The following NSUN4 variants were observed in gnomAD, a reference collection of about 807,000 sequenced individuals.
NSUN4 encodes the protein NOP2/Sun RNA methyltransferase 4.
NSUN4 carries 31 observed loss-of-function variants against 43.8 expected under a neutral mutation model. The observed-to-expected ratio is 0.71, with a 90% CI of 0.53 to 0.96. The LOEUF is 0.96. NSUN4 is among the 40% of genes least tolerant of loss of function. NSUN4 has a pLI of 0.00. For synonymous variants in NSUN4, 167 were observed against 184.1 expected, an observed-to-expected ratio of 0.91 and a Z score of 0.75; for missense variants, 439 against 475.6, an observed-to-expected ratio of 0.92 and a Z score of 0.72.
chr1:46,359,168 G>T (rs780693500), intron 4 of NSUN4, among the ~76,000 whole-genome samples: 3 of 152,080 alleles, frequency 2.0e-5, no homozygotes, highest in African/African-American at 4.8e-5. Flanking sequence ...GCTGAGGTGG[G>T]AGAATCGCTT....
the NSUN4 span, among the ~76,000 whole-genome samples, chr1:46,378,797 T>A: frequency 2.0e-5 from 3 of 152,166 alleles, no homozygotes; most frequent in South Asian, 2.1e-4. Flanking sequence ...ATCTTGGCTG[T>A]CTCGCCTGTG....
At chr1:46,357,044 C>A (rs1663431933) in intron 4 of NSUN4, among the ~76,000 whole-genome samples, 1 of 152,166 alleles carries the variant, frequency 6.6e-6, no homozygotes, top group African/African-American at 2.4e-5. Flanking sequence ...TGACTGACAT[C>A]CATGCCAGTG....
chr1:46,381,321 T>C, the NSUN4 span, among the ~76,000 whole-genome samples: 1 of 152,192 alleles, frequency 6.6e-6, no homozygotes. Context: ...TGGATGTCTG[T>C]TGAATTGAAT....
intron 4 of NSUN4, among the ~76,000 whole-genome samples, chr1:46,358,162 C>A (rs1464560996): frequency 6.6e-6 from 1 of 152,162 alleles, no homozygotes; most frequent in Admixed American, 6.5e-5. Context: ...GTGGCGCAAT[C>A]TTGGTTCACT....
chr1:46,361,147 A>AAAAAAC lies in NSUN4; in HGVS notation c.878+337_878+342dup, dbSNP rs924300394. ...GGGTAACAGAGCAAGACTCTGTCTC[A>AAAAAAC]AAAAACAAAAACAAAAACAAAAAAG... On this transcript the variant is annotated intron_variant, in intron 5 of 5. Transcript: ENST00000474844. 2.8e-3 allele frequency among the ~76,000 whole-genome samples: 431 copies of AAAAAAC among 152,194 alleles called. 1 individual carries two copies. The highest frequency in any genetic ancestry group is 0.01 in the African/African-American group (416 of 41,506).
At chr1:46,367,205 C>A (rs1002741448), downstream of NSUN4, among the ~76,000 whole-genome samples, 5 of 152,120 alleles carry the variant, frequency 3.3e-5, no homozygotes, top group African/African-American at 1.2e-4. Flanking sequence ...CCAATCTGCC[C>A]TTCTTCCCAT....
At chr1:46,370,599 A>G in the NSUN4 span, 8 of 150,700 alleles carry the variant, frequency 5.3e-5, no homozygotes, top group Admixed American at 5.3e-4. Context: ...AACAAACACA[A>G]TCTCAGATCA....
At chr1:46,368,607 G>T (rs911714204), downstream of NSUN4, among the ~76,000 whole-genome samples, 2 of 152,122 alleles carry the variant, frequency 1.3e-5, no homozygotes, top group African/African-American at 4.8e-5. Flanking sequence ...AACCTAAATC[G>T]CTGACCTCCA....
At chr1:46,341,695 CTT>C (rs1435999246) in intron 1 of NSUN4, 1 of 1,230,366 alleles carries the variant, frequency 8.1e-7, no homozygotes, top group Non-Finnish European at 1.0e-6. Flanking sequence ...TTTGAGTCCT[CTT>C]CCCCACTCCT....
At chr1:46,341,840 CAGAAT>C (rs1662132162) in intron 1 of NSUN4, 1 of 1,232,838 alleles carries the variant, frequency 8.1e-7, no homozygotes, top group African/African-American at 1.5e-5. Context: ...TGAGTCCCTC[CAGAAT>C]GCGGCGTCCC....
the NSUN4 span, among the ~76,000 whole-genome samples, chr1:46,373,799 G>T: frequency 6.6e-6 from 1 of 152,056 alleles, no homozygotes; most frequent in Admixed American, 6.6e-5. Context: ...GTTACATTGG[G>T]GATAAAGTTT....
chr1:46,350,853 C>T (rs1356993817), intron 3 of NSUN4, among the ~76,000 whole-genome samples: 6 of 152,116 alleles, frequency 3.9e-5, no homozygotes, highest in African/African-American at 9.7e-5. Flanking sequence ...AGATATGTAA[C>T]TAGTAAAGCT....
At chr1:46,379,160 G>A in the NSUN4 span, among the ~76,000 whole-genome samples, 1 of 152,188 alleles carries the variant, frequency 6.6e-6, no homozygotes, top group Admixed American at 6.5e-5. Flanking sequence ...CAAACTCAGA[G>A]GAGGGTGTAG....
At chr1:46,360,641 C>G (rs562421335) in intron 4 of NSUN4, 63 bp from the exon 5 acceptor site, 3 of 1,565,894 alleles carry the variant, frequency 1.9e-6, no homozygotes, top group Admixed American at 1.8e-5. Context: ...TAAAACATCT[C>G]TGGCCTAAGG....
chr1:46,342,857 C>A, intron 1 of NSUN4: 1 of 400,118 alleles, frequency 2.5e-6, no homozygotes. Context: ...AGCCCAAGCC[C>A]GCTAAGGCCC....
chr1:46,347,451 A>C (rs569199397), intron 3 of NSUN4, among the ~76,000 whole-genome samples: 43 of 152,236 alleles, frequency 2.8e-4, no homozygotes, highest in Non-Finnish European at 5.3e-4. Flanking sequence ...CACACACAAA[A>C]AAAGAATATG....
At chr1:46,383,881 C>A in the NSUN4 span, among the ~76,000 whole-genome samples, 1 of 152,110 alleles carries the variant, frequency 6.6e-6, no homozygotes, top group Non-Finnish European at 1.5e-5. Context: ...ACAGATGGAG[C>A]AATGGTGAGT....
the NSUN4 span, among the ~76,000 whole-genome samples, chr1:46,374,321 CT>C: frequency 7.3e-6 from 1 of 136,328 alleles, no homozygotes; most frequent in Non-Finnish European, 1.6e-5. Flanking sequence ...AAATAGAGAT[CT>C]GTTGTGGCCA....
chr1:46,348,792 G>A (rs1238853999), intron 3 of NSUN4, among the ~76,000 whole-genome samples: 1 of 143,806 alleles, frequency 7.0e-6, no homozygotes, highest in Admixed American at 7.1e-5. Flanking sequence ...GTAGCCCAGC[G>A]AAGGCCTTGT....
Sources: gnomAD v4.1 joint callset for allele counts (sites outside exome capture counted in the v4.1 genomes callset) on GRCh38, gnomAD v4.1.1 for gene constraint, MANE v1.5 for transcripts, NCBI Gene and HGNC (gene_info 2026-07-23, HGNC 2026-07-21) for gene names.